The following GRIN2B variants were observed in gnomAD, a reference collection of about 807,000 sequenced individuals.
The protein encoded by GRIN2B is glutamate ionotropic receptor NMDA type subunit 2B.
In GRIN2B, 5 loss-of-function variants were observed where a neutral mutation model predicts 114.5. That is an observed-to-expected ratio of 0.04 (90% CI 0.02 to 0.09). The LOEUF (loss-of-function observed/expected upper bound fraction) is 0.09, where lower values mean the gene tolerates loss of function less well. GRIN2B is among the 10% of genes least tolerant of loss of function. GRIN2B has a pLI of 1.00. For synonymous variants in GRIN2B, 787 were observed against 745.1 expected, an observed-to-expected ratio of 1.06 and a Z score of -0.92; for missense variants, 1,108 against 1,943.5, an observed-to-expected ratio of 0.57 and a Z score of 8.08.
chr12:13,722,678 T>TGAAG, intron 4 of GRIN2B, among the ~76,000 whole-genome samples: 1 of 152,200 alleles, frequency 6.6e-6, no homozygotes. Context: ...CGAAGTTATT[T>TGAAG]TGAAGTGGGA....
At chr12:13,844,305 TG>T (rs1330362272) in intron 3 of GRIN2B, among the ~76,000 whole-genome samples, 10 of 152,210 alleles carry the variant, frequency 6.6e-5, no homozygotes, top group Non-Finnish European at 1.3e-4. Context: ...TCCATTCCTC[TG>T]TATGGGCCTA....
intron 10 of GRIN2B, among the ~76,000 whole-genome samples, chr12:13,585,060 CTG>C (rs1948900933): frequency 6.6e-6 from 1 of 152,128 alleles, no homozygotes; most frequent in Admixed American, 6.5e-5. Flanking sequence ...ACCATGGAAA[CTG>C]GGATTCTGAA....
chr12:13,874,216 C>T (rs1865959175), intron 2 of GRIN2B, among the ~76,000 whole-genome samples: 1 of 152,214 alleles, frequency 6.6e-6, no homozygotes, highest in Non-Finnish European at 1.5e-5. Context: ...TCAACCAGAC[C>T]TGTCACCTGG....
chr12:13,944,846 T>C (rs1444106978), intron 2 of GRIN2B, among the ~76,000 whole-genome samples: 3 of 152,164 alleles, frequency 2.0e-5, no homozygotes, highest in Non-Finnish European at 2.9e-5. Flanking sequence ...TGACAGGTAA[T>C]CTAGAATACA....
chr12:13,865,104 T>C (rs1865806258), intron 3 of GRIN2B, among the ~76,000 whole-genome samples: 2 of 152,192 alleles, frequency 1.3e-5, no homozygotes, highest in South Asian at 4.1e-4. Flanking sequence ...TCACCTGCCT[T>C]GAGGGATTTT....
chr12:13,554,669 A>G lies in GRIN2B; in HGVS notation c.*8114T>C, dbSNP rs1948457120. On this transcript the variant is annotated 3_prime_UTR_variant, in exon 14 of 14. Transcript: ENST00000609686. ...AGGAAGTGAGTACTGACAAGAGTAG[A>G]TTCAAATATAAAATATTGGAACAAT... 1 of 152,196 alleles carries G rather than the reference A, an allele frequency of 6.6e-6. No individual in the cohort carries two copies. Among genetic ancestry groups the G allele is most frequent in the South Asian group, 2.1e-4 (1 of 4,830 alleles). 9.4% of individuals were successfully genotyped at this position (152,196 alleles called of 1,614,324 possible).
At chr12:13,572,777 A>T (rs1948722853) in intron 10 of GRIN2B, among the ~76,000 whole-genome samples, 2 of 152,188 alleles carry the variant, frequency 1.3e-5, no homozygotes, top group East Asian at 3.8e-4. Context: ...GTGCCAACTC[A>T]TCTGTCTCTC....
At chr12:13,758,602 C>T (rs1466867665) in intron 3 of GRIN2B, among the ~76,000 whole-genome samples, 1 of 152,192 alleles carries the variant, frequency 6.6e-6, no homozygotes, top group African/African-American at 2.4e-5. Context: ...TCACTGTAAG[C>T]ATTCAAACAA....
intron 5 of GRIN2B, among the ~76,000 whole-genome samples, chr12:13,659,089 T>C (rs1241581463): frequency 3.3e-5 from 5 of 152,154 alleles, no homozygotes; most frequent in African/African-American, 1.2e-4. Flanking sequence ...AGAACATCCC[T>C]CAGTCTGCAT....
intron 2 of GRIN2B, among the ~76,000 whole-genome samples, chr12:13,877,504 G>A (rs1040449953): frequency 1.3e-5 from 2 of 152,150 alleles, no homozygotes; most frequent in Non-Finnish European, 1.5e-5. Flanking sequence ...GCACCTATTC[G>A]AAGCATTTAT....
At chr12:13,667,332 C>T (rs939363515) in intron 5 of GRIN2B, among the ~76,000 whole-genome samples, 1 of 152,146 alleles carries the variant, frequency 6.6e-6, no homozygotes, top group African/African-American at 2.4e-5. Flanking sequence ...TAACAAAGGA[C>T]AGCCTTCCAC....
chr12:13,587,826 T>A (rs957142745), intron 10 of GRIN2B, among the ~76,000 whole-genome samples: 1 of 152,246 alleles, frequency 6.6e-6, no homozygotes, highest in Non-Finnish European at 1.5e-5. Context: ...TTGCCTTTGA[T>A]TTGTAACAGA....
At chr12:13,734,100 A>G (rs1863140060) in intron 4 of GRIN2B, among the ~76,000 whole-genome samples, 1 of 152,260 alleles carries the variant, frequency 6.6e-6, no homozygotes, top group African/African-American at 2.4e-5. Flanking sequence ...TCTAGGGATG[A>G]TAATTTCCAT....
chr12:13,712,870 C>G (rs996392453), intron 4 of GRIN2B, among the ~76,000 whole-genome samples: 8 of 151,888 alleles, frequency 5.3e-5, no homozygotes, highest in African/African-American at 1.4e-4. Flanking sequence ...TTGGAGATAG[C>G]TTCTCTTGGT....
chr12:13,622,759 C>T (rs1292664747), intron 5 of GRIN2B, among the ~76,000 whole-genome samples: 2 of 152,056 alleles, frequency 1.3e-5, no homozygotes, highest in Non-Finnish European at 2.9e-5. Context: ...CAGGAGAGAG[C>T]CAAGCTCACT....
chr12:13,973,701 G>C (rs912810082), intron 2 of GRIN2B, among the ~76,000 whole-genome samples: 5 of 152,122 alleles, frequency 3.3e-5, no homozygotes, highest in African/African-American at 7.2e-5. Flanking sequence ...TCAGATCCAG[G>C]GTACTCTCTT....
chr12:13,799,934 T>C (rs1000501406), intron 3 of GRIN2B, among the ~76,000 whole-genome samples: 1 of 152,130 alleles, frequency 6.6e-6, no homozygotes, highest in African/African-American at 2.4e-5. Context: ...GCTGCCTGCC[T>C]GGAAGAAACC....
chr12:13,910,097 G>A (rs1029169362), intron 2 of GRIN2B, among the ~76,000 whole-genome samples: 2 of 152,142 alleles, frequency 1.3e-5, no homozygotes, highest in African/African-American at 4.8e-5. Flanking sequence ...TAGCCAAATT[G>A]CTTCCAAACC....
intron 3 of GRIN2B, among the ~76,000 whole-genome samples, chr12:13,847,363 G>C (rs533536731): frequency 6.6e-6 from 1 of 152,236 alleles, no homozygotes; most frequent in Admixed American, 6.5e-5. Flanking sequence ...GTCCCACAGA[G>C]ATAGGGCATT....
Sources: allele counts gnomAD v4.1 joint callset (sites outside exome capture counted in the v4.1 genomes callset), GRCh38; gene constraint gnomAD v4.1.1; transcripts MANE v1.5; gene names NCBI Gene and HGNC (gene_info 2026-07-23, HGNC 2026-07-21).